ADAM19: variants seen among roughly 807,000 people sequenced by gnomAD.
The protein encoded by ADAM19 is ADAM metallopeptidase domain 19.
A neutral mutation model predicts 114.7 loss-of-function variants in ADAM19; 65 were observed. The observed-to-expected ratio is 0.57, with a 90% CI of 0.46 to 0.70. ADAM19 has a LOEUF of 0.70. ADAM19 is among the 30% of genes least tolerant of loss of function. The pLI is 0.00. For missense variants in ADAM19, 1,063 were observed against 1,204.7 expected, an observed-to-expected ratio of 0.88 and a Z score of 1.74; for synonymous variants, 466 against 460.5, an observed-to-expected ratio of 1.01 and a Z score of -0.15.
chr5:157,541,213 C>T (rs958642325), intron 3 of ADAM19, among the ~76,000 whole-genome samples: 10 of 152,150 alleles, frequency 6.6e-5, no homozygotes, highest in Admixed American at 2.0e-4. Flanking sequence ...TCCTCCCTGA[C>T]GAGGGGCTGG....
intron 12 of ADAM19, 112 bp from the exon 13 acceptor site, chr5:157,499,774 T>TA: frequency 8.2e-5 from 7 of 85,438 alleles, no homozygotes; most frequent in South Asian, 3.2e-4. Context: ...CAACTATCTC[T>TA]TTTTTTTTTT....
At chr5:157,550,784 C>T (rs139342706) in intron 3 of ADAM19, among the ~76,000 whole-genome samples, 15 of 151,818 alleles carry the variant, frequency 9.9e-5, no homozygotes, top group Non-Finnish European at 1.5e-4. Flanking sequence ...GATCTCTCAA[C>T]AAGGGCAGTG....
chr5:157,478,524 G>T lies in ADAM19; in HGVS notation c.*2425C>A. 1.0e-6 allele frequency: 1 copy of T among 960,866 alleles called. No individual in the cohort carries two copies. Among genetic ancestry groups the T allele is most frequent in the Non-Finnish European group, 1.2e-6 (1 of 807,696 alleles). The allele number at this position is 960,866 out of a possible 1,614,324, so 59.5% of individuals were successfully genotyped here. A position where few individuals can be genotyped will look rare whatever the true frequency, so the allele number is the denominator to read the frequency against. ...TTCTGCAATCGTGCTTTGGAATAAG[G>T]TCTCTCCTTCCCTAAGCCCAGATTT... is the stretch of plus-strand genomic sequence containing the variant. On this transcript the variant is annotated 3_prime_UTR_variant, in exon 23 of 23. Transcript: ENST00000257527.
chr5:157,546,874 G>A (rs943766905), intron 3 of ADAM19, among the ~76,000 whole-genome samples: 10 of 152,158 alleles, frequency 6.6e-5, no homozygotes, highest in Non-Finnish European at 1.3e-4. Context: ...AGGAAAGTCC[G>A]GCCCAGCTCC....
At position 157,478,582 on chromosome 5, in the gene ADAM19, G is replaced by C. The variant is rs1211170117; in HGVS notation, c.*2367C>G. 26 of 985,522 alleles carry C rather than the reference G, an allele frequency of 2.6e-5. No homozygotes were observed. Among genetic ancestry groups the C allele is most frequent in the South Asian group, 1.4e-4 (3 of 21,282 alleles). The allele number at this position is 985,522 out of a possible 1,614,324, so 61.0% of individuals were successfully genotyped here. On this transcript the variant is annotated 3_prime_UTR_variant, in exon 23 of 23. Transcript: ENST00000257527. ...TTTGACACCTCAAAACAGCATACTG[G>C]GCACTGGAAAGAAAAGGGGATGCAT...
At chr5:157,514,864 A>G (rs1332495155) in intron 7 of ADAM19, among the ~76,000 whole-genome samples, 2 of 152,246 alleles carry the variant, frequency 1.3e-5, no homozygotes, top group Non-Finnish European at 2.9e-5. Flanking sequence ...GTACACTGCC[A>G]TTGTTACACA....
chr5:157,573,086 T>TCTGATAAGCCCTGGTGGCTCTG (rs1340417501), intron 1 of ADAM19, among the ~76,000 whole-genome samples: 1 of 152,208 alleles, frequency 6.6e-6, no homozygotes, highest in African/African-American at 2.4e-5. Flanking sequence ...CTGATAAGTC[T>TCTGATAAGCCCTGGTGGCTCTG]ATATTATTTT....
chr5:157,505,523 A>T, intron 11 of ADAM19, 146 bp downstream of exon 11: 2 of 923,902 alleles, frequency 2.2e-6, no homozygotes, highest in South Asian at 4.4e-5. Flanking sequence ...GTCTTCTCTC[A>T]ATTTCTTTGT....
At chr5:157,528,693 G>A (rs1047755033) in intron 5 of ADAM19, among the ~76,000 whole-genome samples, 2 of 152,192 alleles carry the variant, frequency 1.3e-5, no homozygotes, top group Non-Finnish European at 2.9e-5. Context: ...TGCAGTGTGA[G>A]AAACCTTCCA....
At chr5:157,549,158 T>A (rs765735621) in intron 3 of ADAM19, among the ~76,000 whole-genome samples, 1 of 152,224 alleles carries the variant, frequency 6.6e-6, no homozygotes, top group Non-Finnish European at 1.5e-5. Flanking sequence ...AAATACAGCC[T>A]AGCTTTTAAG....
chr5:157,484,535 G>A (rs965872466), intron 21 of ADAM19, among the ~76,000 whole-genome samples: 1 of 152,192 alleles, frequency 6.6e-6, no homozygotes, highest in Non-Finnish European at 1.5e-5. Context: ...CTTCTCGAGA[G>A]GGTCACTACC....
At chr5:157,547,179 C>T (rs1757071817) in intron 3 of ADAM19, among the ~76,000 whole-genome samples, 1 of 152,186 alleles carries the variant, frequency 6.6e-6, no homozygotes, top group African/African-American at 2.4e-5. Flanking sequence ...GAATTATTAC[C>T]TAGTCTAATT....
chr5:157,550,024 A>G (rs1480082270), intron 3 of ADAM19, among the ~76,000 whole-genome samples: 2 of 152,364 alleles, frequency 1.3e-5, no homozygotes, highest in East Asian at 3.9e-4. Context: ...TCCCATTTAC[A>G]TGAAACATCC....
intron 2 of ADAM19, among the ~76,000 whole-genome samples, chr5:157,569,858 A>C (rs1757774705): frequency 6.6e-6 from 1 of 152,222 alleles, no homozygotes; most frequent in African/African-American, 2.4e-5. Flanking sequence ...ACTATTTTAT[A>C]AATGAAGAAA....
chr5:157,529,762 CA>C (rs1156260315), intron 5 of ADAM19, among the ~76,000 whole-genome samples: 1 of 152,198 alleles, frequency 6.6e-6, no homozygotes, highest in Non-Finnish European at 1.5e-5. Context: ...CCACATTTTA[CA>C]AATGAGACCA....
intron 1 of ADAM19, among the ~76,000 whole-genome samples, 163 bp downstream of exon 1, chr5:157,575,440 C>A (rs1225951412): frequency 6.6e-6 from 1 of 152,224 alleles, no homozygotes; most frequent in African/African-American, 2.4e-5. Context: ...GGGCGCAGAA[C>A]GTGGGAACAA....
At chr5:157,566,390 G>A (rs1051887056) in intron 2 of ADAM19, 11 of 152,082 alleles carry the variant, frequency 7.2e-5, no homozygotes, top group African/African-American at 2.7e-4. Flanking sequence ...ATAGTTAATG[G>A]GATCATGAGT....
At chr5:157,552,859 A>C (rs1757242707) in intron 3 of ADAM19, among the ~76,000 whole-genome samples, 1 of 152,180 alleles carries the variant, frequency 6.6e-6, no homozygotes, top group Admixed American at 6.5e-5. Flanking sequence ...TGCCATAAAA[A>C]AGAATGAGCT....
At chr5:157,484,505 G>C (rs1754867524) in intron 21 of ADAM19, among the ~76,000 whole-genome samples, 1 of 152,154 alleles carries the variant, frequency 6.6e-6, no homozygotes, top group South Asian at 2.1e-4. Flanking sequence ...TCCAGTGCCT[G>C]CTCCCCTTGA....
Sources: gnomAD v4.1 joint callset for allele counts (sites outside exome capture counted in the v4.1 genomes callset) on GRCh38, gnomAD v4.1.1 for gene constraint, MANE v1.5 for transcripts, NCBI Gene and HGNC (gene_info 2026-07-23, HGNC 2026-07-21) for gene names.